Variants in SRGAP2B observed in about 807,000 individuals in gnomAD.
SRGAP2B encodes SLIT-ROBO Rho GTPase-activating protein 2B.
Under a neutral mutation model 22.2 loss-of-function variants are expected in SRGAP2B, and 9 were observed. That is an observed-to-expected ratio of 0.41 (90% CI 0.24 to 0.71). SRGAP2B has a LOEUF of 0.71. Among genes scored for constraint, SRGAP2B ranks in the 30% least tolerant of loss-of-function variants. SRGAP2B has a pLI of 0.35. For missense variants in SRGAP2B, 114 were observed against 235.8 expected (o/e 0.48, Z 3.38); for synonymous variants, 36 against 87.4 (o/e 0.41, Z 3.28).
chr1:144,930,388 A>G (rs1665076586), intron 4 of SRGAP2B, among the ~76,000 whole-genome samples: 1 of 105,774 alleles, frequency 9.5e-6, no homozygotes, highest in Admixed American at 1.0e-4. Flanking sequence ...CTTTTCAAAA[A>G]CCACACTCCA....
At chr1:145,083,093 T>C (rs1272138457) in intron 2 of SRGAP2B, among the ~76,000 whole-genome samples, 2 of 144,162 alleles carry the variant, frequency 1.4e-5, no homozygotes, top group African/African-American at 5.7e-5. Context: ...GCAGAGGAGA[T>C]GCTGAGAGCG....
intron 2 of SRGAP2B, among the ~76,000 whole-genome samples, chr1:145,076,645 G>A (rs1347670214): frequency 6.9e-6 from 1 of 144,188 alleles, no homozygotes; most frequent in Non-Finnish European, 1.5e-5. Flanking sequence ...GTTGCCAGCA[G>A]TTAAGGACTA....
intron 4 of SRGAP2B, among the ~76,000 whole-genome samples, chr1:144,917,690 T>A (rs1663958064): frequency 3.5e-5 from 5 of 142,408 alleles, no homozygotes; most frequent in Admixed American, 3.4e-4. Flanking sequence ...GTGATCTGAC[T>A]TACTGCTCCC....
chr1:145,009,371 G>A lies in SRGAP2B; in HGVS notation c.68-14171C>T, dbSNP rs1171857552. On this transcript the variant is annotated intron_variant, in intron 2 of 9. Coordinates refer to ENST00000612199, the Ensembl canonical transcript of SRGAP2B. ...TGGGAGGCCGAGGCGGGCGGATCACGAGGTCAGGAGATCGAGACCATCCCG... is the reference window on the plus strand; with the variant it reads ...TGGGAGGCCGAGGCGGGCGGATCACAAGGTCAGGAGATCGAGACCATCCCG... 1.3e-4 allele frequency among the ~76,000 whole-genome samples: 19 copies of A among 149,374 alleles called. 1 individual carries two copies. The highest frequency in any genetic ancestry group is 2.5e-4 in the Non-Finnish European group (17 of 67,674).
intron 5 of SRGAP2B, among the ~76,000 whole-genome samples, chr1:144,912,017 C>A (rs1663460367): frequency 7.0e-6 from 1 of 141,906 alleles, no homozygotes; most frequent in African/African-American, 2.8e-5. Context: ...GTGGCACGAT[C>A]TCGGCTCACT....
chr1:144,966,526 A>C (rs1358911888), intron 3 of SRGAP2B, among the ~76,000 whole-genome samples: 2 of 144,256 alleles, frequency 1.4e-5, no homozygotes, highest in Non-Finnish European at 2.9e-5. Flanking sequence ...AGTACCAGCC[A>C]CTGCAAAAAC....
Position 144,960,566 on chromosome 1 carries a change from T to C in SRGAP2B, c.261-4965A>G, listed in dbSNP as rs1276270087. ...TAAAGGGATTTCTCTAAAATATCCA[T>C]GGTGAAGAGCCAAGTCTATAAAGGT... On this transcript the variant is annotated intron_variant, in intron 3 of 9. Coordinates refer to ENST00000612199, the Ensembl canonical transcript of SRGAP2B. Among the ~76,000 whole-genome samples, 18 of 150,604 alleles carry C rather than the reference T, an allele frequency of 1.2e-4. 1 individual carries two copies. Among genetic ancestry groups the C allele is most frequent in the Non-Finnish European group, 1.8e-4 (12 of 67,956 alleles).
rs57558732 is a variant in SRGAP2B, at chr1:144,944,683, T to TTTTA, written c.423+10752_423+10755dup. ...GGTGAACAAAAGAAAGAATTGGTTG[T>TTTTA]TTTATTTATTTATTTATTTATTTAT... On this transcript the variant is annotated intron_variant, in intron 4 of 9. Transcript: ENST00000612199. Among the ~76,000 whole-genome samples the TTTTA allele has an allele frequency of 2.8e-3, 363 of 131,862 alleles. 1 individual carries two copies. The highest frequency in any genetic ancestry group is 4.6e-3 in the African/African-American group (155 of 33,662). 86.5% of individuals were successfully genotyped at this position (131,862 alleles called of 152,430 possible).
intron 3 of SRGAP2B, among the ~76,000 whole-genome samples, chr1:144,957,316 A>G (rs1667337310): frequency 6.7e-6 from 1 of 148,840 alleles, no homozygotes; most frequent in African/African-American, 2.6e-5. Context: ...TATAGTAGTA[A>G]CTATTAACAA....
chr1:145,025,974 AAAG>A (rs1647688857), intron 2 of SRGAP2B, among the ~76,000 whole-genome samples: 1 of 141,594 alleles, frequency 7.1e-6, no homozygotes, highest in African/African-American at 2.6e-5. Context: ...GCGGAAAGGG[AAAG>A]AATGAATGAA....
chr1:144,984,372 A>AAAAAC (rs1669562528), intron 3 of SRGAP2B, among the ~76,000 whole-genome samples: 1 of 147,230 alleles, frequency 6.8e-6, no homozygotes, highest in Non-Finnish European at 1.5e-5. Context: ...CAACAAAAAA[A>AAAAAC]AAAAAACAAA....
intron 4 of SRGAP2B, among the ~76,000 whole-genome samples, chr1:144,939,300 C>A (rs1373636354): frequency 6.7e-6 from 1 of 149,052 alleles, no homozygotes; most frequent in Non-Finnish European, 1.5e-5. Flanking sequence ...AAAGATATTT[C>A]TGTAAGATAA....
chr1:144,934,403 C>CAA (rs782588401), intron 4 of SRGAP2B, among the ~76,000 whole-genome samples: 1,192 of 36,094 alleles, frequency 0.033, 33 homozygotes, highest in African/African-American at 0.08. Context: ...AACTCCATCT[C>CAA]AAAAAAAAAA....
intron 3 of SRGAP2B, among the ~76,000 whole-genome samples, chr1:144,964,506 T>C (rs376162628): frequency 1.3e-5 from 2 of 150,800 alleles, no homozygotes; most frequent in East Asian, 1.9e-4. Flanking sequence ...GATACTTTAC[T>C]GGCAAAACTT....
intron 2 of SRGAP2B, among the ~76,000 whole-genome samples, chr1:145,019,241 T>C (rs659933): frequency 4.1e-5 from 6 of 146,480 alleles, no homozygotes; most frequent in African/African-American, 1.3e-4. Flanking sequence ...GTCCCAGCTA[T>C]TTGGGAGGCT....
At chr1:144,907,208 T>C (rs1283174306) in intron 5 of SRGAP2B, among the ~76,000 whole-genome samples, 1 of 150,708 alleles carries the variant, frequency 6.6e-6, no homozygotes, top group Non-Finnish European at 1.5e-5. Context: ...AATATTATTA[T>C]TAATATCTAC....
At chr1:144,909,712 A>C (rs1663275018) in intron 5 of SRGAP2B, among the ~76,000 whole-genome samples, 1 of 150,426 alleles carries the variant, frequency 6.6e-6, no homozygotes, top group East Asian at 1.9e-4. Context: ...TACAAGGTTC[A>C]GCTGAGGATA....
intron 2 of SRGAP2B, among the ~76,000 whole-genome samples, chr1:145,006,135 G>C (rs1300379383): frequency 2.7e-5 from 4 of 150,910 alleles, no homozygotes; most frequent in Admixed American, 6.6e-5. Context: ...TTTCTCTCCT[G>C]CTACTGAAGC....
At chr1:144,963,404 C>CGAGG (rs1667822462) in intron 3 of SRGAP2B, among the ~76,000 whole-genome samples, 1 of 135,176 alleles carries the variant, frequency 7.4e-6, no homozygotes, top group African/African-American at 3.0e-5. Context: ...GATCAATGAC[C>CGAGG]GAGGAACATA....
Sources: gnomAD v4.1 joint callset for allele counts (sites outside exome capture counted in the v4.1 genomes callset) on GRCh38, gnomAD v4.1.1 for gene constraint, MANE v1.5 for transcripts, NCBI Gene and HGNC (gene_info 2026-07-23, HGNC 2026-07-21) for gene names.